Variants in ADRA1A observed in about 807,000 individuals in gnomAD.
ADRA1A encodes adrenoceptor alpha 1A.
In ADRA1A, 31 loss-of-function variants were observed where a neutral mutation model predicts 29.6. The observed-to-expected ratio is 1.05, with a 90% CI of 0.79 to 1.41. ADRA1A has a LOEUF of 1.41. Ranked by LOEUF, ADRA1A falls within the 40% of genes most tolerant of loss-of-function variation. The probability of loss-of-function intolerance (pLI) is 0.00; values close to 1 mark genes in which losing one functional copy is unlikely to be tolerated. For missense variants in ADRA1A, 619 were observed against 601.1 expected (o/e 1.03, Z -0.31); for synonymous variants, 311 against 254.3 (o/e 1.22, Z -2.12).
chr8:26,786,934 A>G (rs1453209031), intron 2 of ADRA1A, among the ~76,000 whole-genome samples: 2 of 152,190 alleles, frequency 1.3e-5, no homozygotes, highest in Non-Finnish European at 2.9e-5. Context: ...CATGGATAAA[A>G]TATTTATAGA....
At chr8:26,776,798 A>G (rs1357783343) in intron 2 of ADRA1A, among the ~76,000 whole-genome samples, 1 of 152,254 alleles carries the variant, frequency 6.6e-6, no homozygotes, top group African/African-American at 2.4e-5. Flanking sequence ...TGAGAAATGA[A>G]GTTTGAATGA....
chr8:26,811,457 G>T (rs1266000854), intron 2 of ADRA1A, among the ~76,000 whole-genome samples: 1 of 152,110 alleles, frequency 6.6e-6, no homozygotes, highest in African/African-American at 2.4e-5. Context: ...CTCCCAAAGT[G>T]CTGGGATTAC....
chr8:26,852,728 A>C (rs1812729613), intron 2 of ADRA1A, among the ~76,000 whole-genome samples: 1 of 152,312 alleles, frequency 6.6e-6, no homozygotes, highest in Admixed American at 6.5e-5. Context: ...CAAGTTTTTC[A>C]AACCTTCAAG....
At chr8:26,785,330 T>A (rs1807294462) in intron 2 of ADRA1A, among the ~76,000 whole-genome samples, 2 of 152,320 alleles carry the variant, frequency 1.3e-5, no homozygotes, top group African/African-American at 4.8e-5. Context: ...CATTTTGATC[T>A]AATTTGTTGT....
At position 26,769,094 on chromosome 8, in the gene ADRA1A, C is replaced by G; in HGVS notation, c.*1055G>C. The G allele has an allele frequency of 1.0e-6, 1 of 985,368 alleles. No individual in the cohort carries two copies. The highest frequency in any genetic ancestry group is 1.2e-6 in the Non-Finnish European group (1 of 829,892). 61.0% of individuals were successfully genotyped at this position (985,368 alleles called of 1,614,324 possible). ...ATTCCAACATGCCACAGGTGAAGCT[C>G]ATTCATTATGCAATAGTGAAGCAGA... On this transcript the variant is annotated 3_prime_UTR_variant, in exon 3 of 3. Transcript: ENST00000380573.
intron 2 of ADRA1A, among the ~76,000 whole-genome samples, chr8:26,827,441 T>C (rs1036901796): frequency 1.3e-5 from 2 of 152,182 alleles, no homozygotes; most frequent in Non-Finnish European, 2.9e-5. Flanking sequence ...CTAGCTGGCA[T>C]ATAAAAAACA....
intron 2 of ADRA1A, among the ~76,000 whole-genome samples, chr8:26,857,079 A>G (rs1813103079): frequency 6.6e-6 from 1 of 152,126 alleles, no homozygotes; most frequent in Non-Finnish European, 1.5e-5. Context: ...ACTTGCTGTG[A>G]CTGCAGAATG....
At chr8:26,828,977 C>T (rs1810786122) in intron 2 of ADRA1A, among the ~76,000 whole-genome samples, 1 of 152,140 alleles carries the variant, frequency 6.6e-6, no homozygotes, top group South Asian at 2.1e-4. Context: ...AAGCACAGTA[C>T]CTGCTTTATA....
chr8:26,784,730 A>G (rs560118703), intron 2 of ADRA1A, among the ~76,000 whole-genome samples: 3 of 152,106 alleles, frequency 2.0e-5, no homozygotes, highest in Non-Finnish European at 4.4e-5. Context: ...GCATGACTCT[A>G]TTTTCCTAAG....
rs1240262163 is a variant in ADRA1A, at chr8:26,860,504, C to G, written c.883+3583G>C. On this transcript the variant is annotated intron_variant, in intron 2 of 2. Transcript: ENST00000380573. This position sits in a 1 kb window ranked among gnomAD's most constrained non-coding sequence, Gnocchi z 4.7. ...ACTTTAATGTTATGACCGTAAATCT[C>G]AGATAGGCCTTCAGGACTTCCCAGT... is the stretch of plus-strand genomic sequence containing the variant. Among the ~76,000 whole-genome samples, 1 of 152,156 alleles carries G rather than the reference C, an allele frequency of 6.6e-6. No homozygotes were observed. The highest frequency in any genetic ancestry group is 6.5e-5 in the Admixed American group (1 of 15,276).
At chr8:26,828,301 G>A (rs752353424) in intron 2 of ADRA1A, among the ~76,000 whole-genome samples, 8 of 151,844 alleles carry the variant, frequency 5.3e-5, no homozygotes, top group Middle Eastern at 3.4e-3. Flanking sequence ...TTCTTTTGTC[G>A]AGAATAAAGA....
At chr8:26,792,793 CA>C (rs1485147585) in intron 2 of ADRA1A, among the ~76,000 whole-genome samples, 1 of 147,534 alleles carries the variant, frequency 6.8e-6, no homozygotes, top group Non-Finnish European at 1.5e-5. Flanking sequence ...AGTTTGTAAC[CA>C]TTCATTAATT....
At chr8:26,844,764 C>T (rs988904305) in intron 2 of ADRA1A, among the ~76,000 whole-genome samples, 3 of 152,136 alleles carry the variant, frequency 2.0e-5, no homozygotes, top group Non-Finnish European at 2.9e-5. Context: ...GTAACTATAA[C>T]TCTTAGGAGA....
At chr8:26,844,929 A>T (rs1812091177) in intron 2 of ADRA1A, among the ~76,000 whole-genome samples, 1 of 152,240 alleles carries the variant, frequency 6.6e-6, no homozygotes, top group Non-Finnish European at 1.5e-5. Flanking sequence ...GATGAGCTTT[A>T]AAAAATTGGA....
At chr8:26,758,764 G>T (rs957606712) in intron 2 of ADRA1A, among the ~76,000 whole-genome samples, 1 of 152,184 alleles carries the variant, frequency 6.6e-6, no homozygotes, top group African/African-American at 2.4e-5. Flanking sequence ...GCTAAGAGGT[G>T]AGCACAGGAG....
At chr8:26,803,416 T>G (rs1266843224) in intron 2 of ADRA1A, among the ~76,000 whole-genome samples, 1 of 152,170 alleles carries the variant, frequency 6.6e-6, no homozygotes, top group East Asian at 1.9e-4. Flanking sequence ...ATACTTATAC[T>G]GTGCACAAAA....
At chr8:26,760,638 C>T (rs931697434) in intron 2 of ADRA1A, among the ~76,000 whole-genome samples, 14 of 152,164 alleles carry the variant, frequency 9.2e-5, no homozygotes, top group African/African-American at 2.9e-4. Context: ...GTCCTCAATG[C>T]CCCAGTTCCC....
In ADRA1A at chr8:26,831,020, T is replaced by C. The variant is rs544633748; in HGVS notation, c.883+33067A>G. On this transcript the variant is annotated intron_variant, in intron 2 of 2. Transcript: ENST00000380573. The surrounding 1 kb of genome is among the most constrained non-coding windows in gnomAD (Gnocchi z 5.2). ...TTCTCATGGATGCACTGTTACTTCCTGGACTTTGGGGGACTGAGGTCTTTT... is the reference window on the plus strand; with the variant it reads ...TTCTCATGGATGCACTGTTACTTCCCGGACTTTGGGGGACTGAGGTCTTTT... 1.1e-4 allele frequency among the ~76,000 whole-genome samples: 17 copies of C among 152,180 alleles called. No individual in the cohort carries two copies. Among genetic ancestry groups the C allele is most frequent in the Non-Finnish European group, 1.9e-4 (13 of 68,044 alleles).
At chr8:26,849,792 G>C (rs372885655) in intron 2 of ADRA1A, among the ~76,000 whole-genome samples, 2 of 152,046 alleles carry the variant, frequency 1.3e-5, no homozygotes, top group Non-Finnish European at 2.9e-5. Context: ...ATGGTGATGC[G>C]GAGGATGATC....
Sources: allele counts gnomAD v4.1 joint callset (sites outside exome capture counted in the v4.1 genomes callset), GRCh38; gene constraint gnomAD v4.1.1; non-coding constraint Gnocchi (gnomAD v3.1); transcripts MANE v1.5; gene names NCBI Gene and HGNC (gene_info 2026-07-23, HGNC 2026-07-21).